Variants in CLEC3B observed in about 807,000 individuals in gnomAD.
CLEC3B encodes the protein C-type lectin domain family 3 member B.
In CLEC3B, 13 loss-of-function variants were observed where a neutral mutation model predicts 15.4. The observed-to-expected ratio is 0.84, with a 90% CI of 0.55 to 1.34. The LOEUF is 1.34. CLEC3B is among the 40% of genes most tolerant of loss of function. The pLI is 0.00. For synonymous variants in CLEC3B, 112 were observed against 114.7 expected, an observed-to-expected ratio of 0.98 and a Z score of 0.15; for missense variants, 242 against 268.6, an observed-to-expected ratio of 0.90 and a Z score of 0.69.
intron 2 of CLEC3B, among the ~76,000 whole-genome samples, chr3:45,032,795 G>A (rs1462502584): frequency 2.0e-5 from 3 of 152,216 alleles, no homozygotes; most frequent in Non-Finnish European, 4.4e-5. Context: ...CAAAAAGTAA[G>A]TCTGCAAGTA....
At chr3:45,028,714 G>C (rs1379197466) in intron 1 of CLEC3B, among the ~76,000 whole-genome samples, 1 of 152,104 alleles carries the variant, frequency 6.6e-6, no homozygotes, top group Non-Finnish European at 1.5e-5. Flanking sequence ...AGAATCTCAG[G>C]GGCAATCTAG....
intron 2 of CLEC3B, among the ~76,000 whole-genome samples, chr3:45,032,269 C>T (rs547954266): frequency 3.3e-5 from 5 of 152,274 alleles, no homozygotes; most frequent in South Asian, 2.1e-4. Context: ...CCCTCCCATT[C>T]ATATGCTTTC....
At chr3:45,028,626 C>T (rs942947193) in intron 1 of CLEC3B, among the ~76,000 whole-genome samples, 1 of 152,066 alleles carries the variant, frequency 6.6e-6, no homozygotes, top group Non-Finnish European at 1.5e-5. Context: ...CCTGGAAATG[C>T]TGGTTTAGGG....
chr3:45,029,525 A>G lies in CLEC3B; in HGVS notation c.110-1302A>G, dbSNP rs1697526756. Among the ~76,000 whole-genome samples the G allele has an allele frequency of 2.6e-5, 4 of 152,284 alleles. No individual in the cohort carries two copies. The South Asian group carries it at 6.2e-4, about 24-fold the overall frequency. ...TCTCCCTTTTTTTGCCTTGCTCATC[A>G]GGGTGTTTTTGCTCCAGTTTGGTAA... is the stretch of plus-strand genomic sequence containing the variant. On this transcript the variant is annotated intron_variant, in intron 1 of 2. Coordinates refer to ENST00000296130, the MANE Select transcript of CLEC3B (RefSeq NM_003278.3).
intron 1 of CLEC3B, among the ~76,000 whole-genome samples, chr3:45,029,650 G>T (rs565232459): frequency 4.6e-5 from 7 of 152,168 alleles, no homozygotes; most frequent in African/African-American, 1.7e-4. Context: ...CTCACTCTTT[G>T]TGAGTGTGGA....
At chr3:45,030,792 C>T (rs761395642) in intron 1 of CLEC3B, 35 bp from the exon 2 acceptor site, 1 of 1,464,888 alleles carries the variant, frequency 6.8e-7, no homozygotes, top group East Asian at 2.4e-5. Flanking sequence ...CTGCTCAGTC[C>T]CTGCCCCACC....
chr3:45,033,847 A>T (rs1472015915), intron 2 of CLEC3B, among the ~76,000 whole-genome samples: 1 of 152,198 alleles, frequency 6.6e-6, no homozygotes, highest in African/African-American at 2.4e-5. Flanking sequence ...ATGGAGTTTA[A>T]CCCACAGGAG....
intron 2 of CLEC3B, among the ~76,000 whole-genome samples, chr3:45,031,509 A>T (rs552021910): frequency 1.3e-5 from 2 of 152,346 alleles, no homozygotes; most frequent in African/African-American, 4.8e-5. Flanking sequence ...AACCTGGCTC[A>T]TACTCACCTC....
At position 45,035,647 on chromosome 3, in the gene CLEC3B, G is replaced by T; in HGVS notation, c.332G>T (p.Gly111Val). 1 of 1,613,840 alleles carries T rather than the reference G, an allele frequency of 6.2e-7. No individual in the cohort carries two copies. Among genetic ancestry groups the T allele is most frequent in the East Asian group, 2.2e-5 (1 of 44,882 alleles). Residue 111 changes from glycine to valine, a missense_variant, in exon 3 of 3, where the codon GGC becomes GTC. Physicochemically the swap from Gly to Val is moderately radical, Grantham distance 109. Coordinates refer to ENST00000296130, the MANE Select transcript of CLEC3B (RefSeq NM_003278.3). ...RGGTLGTPQT[G>V]SENDALYEYL... is the part of the protein sequence containing the mutation. ...GGCACCCTGGGCACCCCTCAGACTG[G>T]CTCGGAGAACGACGCCCTGTATGAG...
rs1034692011 is a variant in CLEC3B, at chr3:45,035,564, G to C, written c.249G>C (p.Leu83=). 1.9e-6 allele frequency: 3 copies of C among 1,612,636 alleles called. No individual in the cohort carries two copies. In the African/African-American group the frequency reaches 4.0e-5, roughly 22 times the overall value. The part of the protein sequence containing the change: ...KGTKVHMKCF[L]AFTQTKTFHE... ...CCAAGGTGCACATGAAATGCTTTCT[G>C]GCCTTCACCCAGACGAAGACCTTCC... Residue 83 remains leucine (L), a synonymous_variant, in exon 3 of 3, where the codon CTG becomes CTC. Transcript: ENST00000296130.
intron 2 of CLEC3B, 88 bp from the exon 3 acceptor site, chr3:45,035,436 G>A (rs1697624830): frequency 2.0e-6 from 3 of 1,507,382 alleles, no homozygotes; most frequent in Admixed American, 4.0e-5. Context: ...GGGATGGGAT[G>A]GAGGACGGTG....
rs913095199 is a variant in CLEC3B, at chr3:45,030,805, G to C, written c.110-22G>C. ...TCCTGCTCAGTCCCTGCCCCACCCT[G>C]ACATATTTCCTCCTGCTTCAGATGT... On this transcript the variant is annotated intron_variant, in intron 1 of 2. Coordinates refer to ENST00000296130, the MANE Select transcript of CLEC3B (RefSeq NM_003278.3). The C allele has an allele frequency of 1.2e-5, 18 of 1,546,064 alleles. No homozygotes were observed. The African/African-American group carries it at 2.3e-4, about 20-fold the overall frequency.
Position 45,035,859 on chromosome 3 carries a change from G to A in CLEC3B, c.544G>A (p.Gly182Ser), listed in dbSNP as rs371476617. ...CGCGGTCCTGTCAGGCGCGGCCAAC[G>A]GCAAGTGGTTCGACAAGCGCTGCCG... ...NCAVLSGAAN[G>S]KWFDKRCRDQ... The change falls in exon 3 of 3, where the codon GGC becomes AGC. Residue 182 changes from glycine (G) to serine (S), a missense_variant. Gly to Ser is a moderately conservative substitution (Grantham distance 56). Coordinates refer to ENST00000296130, the MANE Select transcript of CLEC3B (RefSeq NM_003278.3). The A allele has an allele frequency of 1.2e-6, 2 of 1,612,304 alleles. No individual in the cohort carries two copies. The highest frequency in any genetic ancestry group is 1.3e-5 in the African/African-American group (1 of 74,934).
intron 1 of CLEC3B, 150 bp downstream of exon 1, chr3:45,026,621 C>T: frequency 2.9e-6 from 2 of 680,358 alleles, no homozygotes; most frequent in East Asian, 2.7e-5. Context: ...GGGGAGTTCT[C>T]TCATAGCAGA....
chr3:45,029,044 T>A (rs1697520258), intron 1 of CLEC3B, among the ~76,000 whole-genome samples: 1 of 152,088 alleles, frequency 6.6e-6, no homozygotes, highest in Non-Finnish European at 1.5e-5. Flanking sequence ...AGGGCATCCA[T>A]TCTAACATCA....
chr3:45,027,725 C>T (rs1455293336), intron 1 of CLEC3B, among the ~76,000 whole-genome samples: 2 of 152,124 alleles, frequency 1.3e-5, no homozygotes, highest in Non-Finnish European at 2.9e-5. Flanking sequence ...TTACCTTCCA[C>T]AAAATGTTCA....
intron 1 of CLEC3B, among the ~76,000 whole-genome samples, chr3:45,028,713 G>A (rs938556994): frequency 1.3e-5 from 2 of 152,194 alleles, no homozygotes; most frequent in African/African-American, 2.4e-5. Context: ...GAGAATCTCA[G>A]GGGCAATCTA....
rs182424620 is a variant in CLEC3B, at chr3:45,026,348, C to T, written c.-15C>T. ...ACCCGCTGCAGGCAGCAGCAGCCCC[C>T]GCCCGCGCAGCAGCATGGAGCTCTG... On this transcript the variant is annotated 5_prime_UTR_variant, in exon 1 of 3. Transcript: ENST00000296130. 63 of 1,608,214 alleles carry T rather than the reference C, an allele frequency of 3.9e-5. No homozygotes were observed. The highest frequency in any genetic ancestry group is 8.4e-5 in the Admixed American group (5 of 59,830).
intron 1 of CLEC3B, chr3:45,030,063 G>A: frequency 1.6e-6 from 1 of 614,834 alleles, no homozygotes; most frequent in Non-Finnish European, 2.0e-6. Context: ...AATGCTGGTG[G>A]TACAGAATGA....
Sources: allele counts gnomAD v4.1 joint callset (sites outside exome capture counted in the v4.1 genomes callset), GRCh38; gene constraint gnomAD v4.1.1; transcripts MANE v1.5; gene names NCBI Gene and HGNC (gene_info 2026-07-23, HGNC 2026-07-21).